The following SPDYE1 variants were observed in gnomAD, a reference collection of about 807,000 sequenced individuals.
The protein encoded by SPDYE1 is speedy protein E1.
SPDYE1 carries 29 observed loss-of-function variants against 45.9 expected under a neutral mutation model. That is an observed-to-expected ratio of 0.63 (90% confidence interval 0.47 to 0.86). The LOEUF (loss-of-function observed/expected upper bound fraction) is 0.86, where lower values mean the gene tolerates loss of function less well. SPDYE1 is among the 40% of genes least tolerant of loss of function. The pLI is 0.00. For synonymous variants in SPDYE1, 134 were observed against 176.8 expected, an observed-to-expected ratio of 0.76 and a Z score of 1.92; for missense variants, 346 against 481.4, an observed-to-expected ratio of 0.72 and a Z score of 2.63.
intron 8 of SPDYE1, 43 bp from the exon 9 acceptor site, chr7:44,008,624 G>C (rs2096075072): frequency 2.4e-6 from 3 of 1,236,116 alleles, no homozygotes; most frequent in African/African-American, 3.2e-5. Flanking sequence ...CCTGTCTAGA[G>C]AGCTGCCTCC....
intron 6 of SPDYE1, among the ~76,000 whole-genome samples, chr7:44,006,721 T>C (rs1328311832): frequency 3.9e-5 from 6 of 152,194 alleles, no homozygotes; most frequent in Non-Finnish European, 5.9e-5. Context: ...TTCACACAAT[T>C]CTTATGCTTC....
chr7:44,008,902 C>G lies in SPDYE1; in HGVS notation c.*281C>G, dbSNP rs2096075466. On this transcript the variant is annotated 3_prime_UTR_variant, in exon 9 of 9. Coordinates refer to ENST00000693451, the MANE Select transcript of SPDYE1 (RefSeq NM_001378423.2). Reference sequence around the variant, plus strand: ...AAAAGTAAGAAACCAGGAGTGTTTCCAGTTCCACCCTTTCCTGGGGCACCA... The same window carrying G: ...AAAAGTAAGAAACCAGGAGTGTTTCGAGTTCCACCCTTTCCTGGGGCACCA... The G allele has an allele frequency of 1.8e-6, 1 of 562,594 alleles. No homozygotes were observed. The highest frequency in any genetic ancestry group is 1.9e-5 in the African/African-American group (1 of 52,658). The allele number at this position is 562,594 out of a possible 1,614,324, so 34.9% of individuals were successfully genotyped here. A position where few individuals can be genotyped will look rare whatever the true frequency, so the allele number is the denominator to read the frequency against.
At chr7:44,005,458 A>G (rs1318994852) in intron 6 of SPDYE1, 8 of 600,482 alleles carry the variant, frequency 1.3e-5, no homozygotes, top group Non-Finnish European at 2.3e-5. Flanking sequence ...CAGGCGGATC[A>G]CCTGAGGTCA....
At chr7:43,999,189 T>C (rs1053891216) in intron 1 of SPDYE1, among the ~76,000 whole-genome samples, 13 of 152,204 alleles carry the variant, frequency 8.5e-5, no homozygotes, top group African/African-American at 2.4e-4. Flanking sequence ...GTGAGCTCCA[T>C]TGGAAATATG....
intron 6 of SPDYE1, among the ~76,000 whole-genome samples, chr7:44,006,531 T>C (rs894636376): frequency 6.6e-6 from 1 of 151,454 alleles, no homozygotes; most frequent in African/African-American, 2.4e-5. Flanking sequence ...GCAGCCTCCA[T>C]ATCCTGGGCT....
At position 44,002,641 on chromosome 7, in the gene SPDYE1, A is replaced by C; in HGVS notation, c.431A>C (p.Lys144Thr). The C allele has an allele frequency of 6.3e-7, 1 of 1,597,478 alleles. No homozygotes were observed. Among genetic ancestry groups the C allele is most frequent in the Non-Finnish European group, 8.5e-7 (1 of 1,179,882 alleles). The part of the protein sequence containing the change: ...PPHRSFCWKR[K>T]MEWWDKSEES... ...CATAGGTCCTTTTGCTGGAAAAGGA[A>C]GATGGAGTGGTGGGACAAATCTGAG... The change falls in exon 4 of 9, where the codon AAG becomes ACG. Residue 144 changes from lysine to threonine, a missense_variant. Lys to Thr is a moderately conservative substitution (Grantham distance 78). Coordinates refer to ENST00000693451, the MANE Select transcript of SPDYE1 (RefSeq NM_001378423.2).
chr7:43,999,830 T>C lies in SPDYE1; in HGVS notation c.-120T>C, dbSNP rs2096060229. On this transcript the variant is annotated 5_prime_UTR_variant, in exon 2 of 9. Transcript: ENST00000693451. Reference sequence around the variant, plus strand: ...TGATTGGAGGGACCGGACTCCGTGGTGCCTGGAGATCAGTTGGACAACAGT... The same window carrying C: ...TGATTGGAGGGACCGGACTCCGTGGCGCCTGGAGATCAGTTGGACAACAGT... 1 of 894,590 alleles carries C rather than the reference T, an allele frequency of 1.1e-6. No individual in the cohort carries two copies. Among genetic ancestry groups the C allele is most frequent in the Admixed American group, 6.7e-5 (1 of 15,024 alleles). 55.4% of individuals were successfully genotyped at this position (894,590 alleles called of 1,614,324 possible). A position where few individuals can be genotyped will look rare whatever the true frequency, so the allele number is the denominator to read the frequency against.
intron 3 of SPDYE1, 43 bp from the exon 4 acceptor site, chr7:44,002,547 C>T (rs1380194791): frequency 6.5e-7 from 1 of 1,550,228 alleles, no homozygotes; most frequent in Non-Finnish European, 8.7e-7. Context: ...CTAGTGTGAT[C>T]AACTGCAGAA....
intron 6 of SPDYE1, among the ~76,000 whole-genome samples, chr7:44,006,598 C>T (rs2096071515): frequency 6.6e-6 from 1 of 151,736 alleles, no homozygotes; most frequent in South Asian, 2.1e-4. Context: ...GCTGTGCCAC[C>T]ACACCTGGAC....
rs543006000 is a variant in SPDYE1, at chr7:44,000,231, T to C, written c.160+122T>C. ...GGGAGGCCGAGGCGGGCGGATCATC[T>C]GAGGTCAGGAGTTCAAGGCCAGCCT... On this transcript the variant is annotated intron_variant, in intron 2 of 8. Transcript: ENST00000693451. The C allele has an allele frequency of 1.0e-5, 10 of 982,468 alleles. No homozygotes were observed. The East Asian group carries it at 9.2e-4, about 90-fold the overall frequency. 60.9% of individuals were successfully genotyped at this position (982,468 alleles called of 1,614,324 possible).
rs775395085 is a variant in SPDYE1, at chr7:44,007,470, A to G, written c.955A>G (p.Met319Val). 1.1e-5 allele frequency: 17 copies of G among 1,613,110 alleles called. No individual in the cohort carries two copies. In the South Asian group the frequency reaches 1.9e-4, roughly 18 times the overall value. Residue 319 changes from methionine to valine, a missense_variant, in exon 7 of 9, where the codon ATG becomes GTG. Physicochemically the swap from Met to Val is conservative, Grantham distance 21 (BLOSUM62 1). Transcript: ENST00000693451. The part of the protein sequence containing the change: ...RKRRFQLRRC[M>V]NPRARKNRSQ... ...GCGTCGGTTCCAGTTACGCCGTTGCATGAACCCGAGGGCCAGGAAGAACCG... is the reference window on the plus strand; with the variant it reads ...GCGTCGGTTCCAGTTACGCCGTTGCGTGAACCCGAGGGCCAGGAAGAACCG...
chr7:44,007,955 A>G (rs4049501), intron 8 of SPDYE1, 142 bp downstream of exon 8: 6 of 1,507,778 alleles, frequency 4.0e-6, no homozygotes, highest in African/African-American at 2.8e-5. Context: ...TTAGCCAGGC[A>G]ATGTGGGACG....
chr7:44,009,572 G>T lies in SPDYE1; in HGVS notation c.*951G>T, dbSNP rs934406890. 4 of 148,434 alleles carry T rather than the reference G, an allele frequency of 2.7e-5. No individual in the cohort carries two copies. The highest frequency in any genetic ancestry group is 4.5e-5 in the Non-Finnish European group (3 of 67,216). 9.2% of individuals were successfully genotyped at this position (148,434 alleles called of 1,614,324 possible). On this transcript the variant is annotated 3_prime_UTR_variant, in exon 9 of 9. Transcript: ENST00000693451. The stretch of plus-strand genomic sequence containing the variant: ...GTTTATTTTGAAAAACATGGGTATA[G>T]AATTATTTAAATATTATTTTATTTA...
intron 5 of SPDYE1, 135 bp downstream of exon 5, chr7:44,004,046 G>T (rs186222887): frequency 0.035 from 32,054 of 905,152 alleles, 1,536 homozygotes; most frequent in African/African-American, 0.16. Flanking sequence ...TTTTTTTTTT[G>T]TGTGTGTGAG....
At chr7:44,004,114 C>A (rs542513987) in intron 5 of SPDYE1, 9 of 905,896 alleles carry the variant, frequency 9.9e-6, no homozygotes, top group South Asian at 1.7e-5. Flanking sequence ...TCACTCACTG[C>A]AGCCGATGCC....
chr7:44,006,502 G>A (rs1656049817), intron 6 of SPDYE1, among the ~76,000 whole-genome samples: 2 of 150,964 alleles, frequency 1.3e-5, no homozygotes, highest in African/African-American at 4.9e-5. Flanking sequence ...GGAGTGCAGT[G>A]GTGAGATCAT....
intron 6 of SPDYE1, among the ~76,000 whole-genome samples, chr7:44,005,655 G>A (rs1585938490): frequency 6.7e-6 from 1 of 149,744 alleles, no homozygotes; most frequent in East Asian, 2.0e-4. Flanking sequence ...TCCAGCCTGG[G>A]TGACAGAGTG....
At chr7:44,005,432 C>T (rs1585938049) in intron 6 of SPDYE1, 1 of 770,842 alleles carries the variant, frequency 1.3e-6, no homozygotes, top group Admixed American at 2.7e-5. Context: ...AATCCCAGCA[C>T]TTTGGGAGGC....
chr7:44,001,940 A>C (rs979830178), intron 3 of SPDYE1, among the ~76,000 whole-genome samples: 5 of 136,474 alleles, frequency 3.7e-5, no homozygotes, highest in Non-Finnish European at 8.0e-5. Flanking sequence ...ACGCTGTCTC[A>C]AAAAAAAAAA....
Sources: allele counts gnomAD v4.1 joint callset (sites outside exome capture counted in the v4.1 genomes callset), GRCh38; gene constraint gnomAD v4.1.1; transcripts MANE v1.5; gene names NCBI Gene and HGNC (gene_info 2026-07-23, HGNC 2026-07-21).